GAP43: variants seen among roughly 807,000 people sequenced by gnomAD.
GAP43 encodes neuromodulin.
In GAP43, 6 loss-of-function variants were observed where a neutral mutation model predicts 18.6. That is an observed-to-expected ratio of 0.32 (90% CI 0.18 to 0.64). The LOEUF is 0.64. GAP43 is among the 30% of genes least tolerant of loss of function. GAP43 has a pLI of 0.78. For synonymous variants in GAP43, 115 were observed against 111.4 expected (o/e 1.03, Z -0.20); for missense variants, 292 against 295.5 (o/e 0.99, Z 0.09).
intron 2 of GAP43, 144 bp from the exon 3 acceptor site, chr3:115,720,650 T>C (rs1214356608): frequency 3.6e-6 from 2 of 549,978 alleles, no homozygotes; most frequent in Non-Finnish European, 6.6e-6. Context: ...CTACATTAAC[T>C]GGGATATTAA....
chr3:115,701,405 G>C (rs1466826961), intron 2 of GAP43, among the ~76,000 whole-genome samples: 1 of 151,796 alleles, frequency 6.6e-6, no homozygotes, highest in African/African-American at 2.4e-5. Flanking sequence ...CATTTAAAGA[G>C]CCCTACACAC....
chr3:115,690,547 T>C (rs1351262831), intron 2 of GAP43, among the ~76,000 whole-genome samples: 3 of 152,104 alleles, frequency 2.0e-5, no homozygotes, highest in South Asian at 2.1e-4. Flanking sequence ...ATCTATAAGA[T>C]AGAGATTAAA....
chr3:115,716,588 C>T (rs193169329), intron 2 of GAP43, among the ~76,000 whole-genome samples: 1 of 151,228 alleles, frequency 6.6e-6, no homozygotes, highest in East Asian at 1.9e-4. Context: ...GCCTATAAAA[C>T]TTTCACTGCA....
intron 2 of GAP43, among the ~76,000 whole-genome samples, chr3:115,682,876 A>G (rs983618286): frequency 2.0e-5 from 3 of 152,142 alleles, no homozygotes; most frequent in African/African-American, 7.2e-5. Flanking sequence ...AAAAGACAAG[A>G]TGAAGGAATG....
intron 1 of GAP43, among the ~76,000 whole-genome samples, chr3:115,637,419 C>T (rs1708343397): frequency 6.6e-6 from 1 of 152,030 alleles, no homozygotes; most frequent in African/African-American, 2.4e-5. Flanking sequence ...GGACATTTGA[C>T]ATCATGAAAC....
chr3:115,634,779 A>C (rs187314719), intron 1 of GAP43, among the ~76,000 whole-genome samples: 1 of 149,674 alleles, frequency 6.7e-6, no homozygotes. Flanking sequence ...CAAAATAAAT[A>C]AATAAATAAA....
At chr3:115,701,173 T>C (rs1202164594) in intron 2 of GAP43, among the ~76,000 whole-genome samples, 13 of 152,112 alleles carry the variant, frequency 8.5e-5, no homozygotes, top group Admixed American at 8.5e-4. Context: ...GAGAAGAAGT[T>C]TGGAAGAGGT....
At chr3:115,701,740 A>C (rs1261707417) in intron 2 of GAP43, among the ~76,000 whole-genome samples, 1 of 151,850 alleles carries the variant, frequency 6.6e-6, no homozygotes, top group Non-Finnish European at 1.5e-5. Flanking sequence ...TCTGCTGTTG[A>C]CCTTCTATTT....
Position 115,643,170 on chromosome 3 carries a change from T to C in GAP43, c.30+19451T>C, listed in dbSNP as rs72961652. ...GCTCATCATTTGCAAGGAGCTGAAA[T>C]GTAGACATCTCAATACCTAGACTCA... On this transcript the variant is annotated intron_variant, in intron 1 of 2. Transcript: ENST00000305124. Among the ~76,000 whole-genome samples, 1,087 of 152,192 alleles carry C rather than the reference T, an allele frequency of 7.1e-3. 13 individuals carry two copies. The highest frequency in any genetic ancestry group is 0.024 in the African/African-American group (1,003 of 41,552).
intron 2 of GAP43, among the ~76,000 whole-genome samples, chr3:115,698,283 AT>A (rs1199544467): frequency 0.026 from 25 of 952 alleles, 1 homozygote; most frequent in African/African-American, 0.034. Context: ...TTATATATAA[AT>A]ATAATATATA....
chr3:115,678,161 T>C (rs1178212018), intron 2 of GAP43, among the ~76,000 whole-genome samples: 2 of 152,232 alleles, frequency 1.3e-5, no homozygotes, highest in African/African-American at 4.8e-5. Context: ...AAAGCAAAAC[T>C]TAACTACTTT....
chr3:115,662,017 G>A (rs992390589), intron 1 of GAP43, among the ~76,000 whole-genome samples: 6 of 151,738 alleles, frequency 4.0e-5, no homozygotes, highest in East Asian at 3.9e-4. Context: ...GAAGGGGAAG[G>A]GCATATTGTA....
At chr3:115,647,920 G>A (rs1299667840) in intron 1 of GAP43, among the ~76,000 whole-genome samples, 1 of 151,920 alleles carries the variant, frequency 6.6e-6, no homozygotes, top group Non-Finnish European at 1.5e-5. Context: ...TTTGAAACAC[G>A]TATATAGAAG....
chr3:115,706,771 A>T (rs564217918), intron 2 of GAP43, among the ~76,000 whole-genome samples: 16 of 152,290 alleles, frequency 1.1e-4, no homozygotes, highest in Non-Finnish European at 2.4e-4. Flanking sequence ...AAACTTTACA[A>T]GTCAGAGACT....
chr3:115,675,895 C>T (rs1195872907), intron 1 of GAP43, 118 bp from the exon 2 acceptor site: 5 of 1,375,712 alleles, frequency 3.6e-6, no homozygotes, highest in African/African-American at 3.0e-5. Flanking sequence ...GAATTCTTAA[C>T]TCCAAAAACA....
chr3:115,657,627 GT>G (rs1265364991), intron 1 of GAP43, among the ~76,000 whole-genome samples: 1 of 152,128 alleles, frequency 6.6e-6, no homozygotes, highest in African/African-American at 2.4e-5. Flanking sequence ...GTCTTTTCTA[GT>G]TAATAATCTT....
intron 1 of GAP43, among the ~76,000 whole-genome samples, chr3:115,657,549 AC>A (rs1708598749): frequency 6.6e-6 from 1 of 152,210 alleles, no homozygotes; most frequent in African/African-American, 2.4e-5. Flanking sequence ...AGATAAGGTC[AC>A]TGCCCTTAAT....
In GAP43 at chr3:115,651,355, TTGTTTGAAAAGTTAAGTTAG is replaced by T. The variant is rs1485833964; in HGVS notation, c.31-24645_31-24626del. On this transcript the variant is annotated intron_variant, in intron 1 of 2. Transcript: ENST00000305124. ...ACACTCTGCACATACGGAAGACCTGTTGTTTGAAAAGTTAAGTTAGTGTTTGAAAAGTATATCATTTGTTT... is the reference window on the plus strand; with the variant it reads ...ACACTCTGCACATACGGAAGACCTGTTGTTTGAAAAGTATATCATTTGTTT... 5.9e-5 allele frequency among the ~76,000 whole-genome samples: 9 copies of T among 152,244 alleles called. No homozygotes were observed. The South Asian group carries it at 6.2e-4, about 11-fold the overall frequency.
intron 1 of GAP43, among the ~76,000 whole-genome samples, chr3:115,663,059 G>T (rs1291094010): frequency 2.0e-5 from 3 of 152,074 alleles, no homozygotes; most frequent in Non-Finnish European, 4.4e-5. Context: ...CAAAGTGGGA[G>T]GTGTGCTGCT....
Sources: allele counts gnomAD v4.1 joint callset (sites outside exome capture counted in the v4.1 genomes callset), GRCh38; gene constraint gnomAD v4.1.1; transcripts MANE v1.5; gene names NCBI Gene and HGNC (gene_info 2026-07-23, HGNC 2026-07-21).